ST8SIA6: variants seen among roughly 807,000 people sequenced by gnomAD.
ST8SIA6 encodes ST8 alpha-N-acetyl-neuraminide alpha-2,8-sialyltransferase 6, also known as alpha-2,8-sialyltransferase 8F.
A neutral mutation model predicts 33.6 loss-of-function variants in ST8SIA6; 39 were observed. The ratio of observed to expected loss-of-function variants is 1.16; its 90% confidence interval spans 0.90 to 1.52. The LOEUF is 1.52. Ranked by LOEUF, ST8SIA6 falls within the 40% of genes most tolerant of loss-of-function variation. The pLI, the probability that ST8SIA6 is intolerant of heterozygous loss-of-function variation, is 0.00. For synonymous variants in ST8SIA6, 172 were observed against 167.2 expected (o/e 1.03, Z -0.22); for missense variants, 441 against 443.8 (o/e 0.99, Z 0.06).
chr10:17,410,630 T>G (rs2131694091), intron 2 of ST8SIA6: 1 of 152,190 alleles, frequency 6.6e-6, no homozygotes, highest in South Asian at 2.1e-4. Context: ...AATGAATGAA[T>G]GAATAAGAGA....
chr10:17,454,072 G>A lies in ST8SIA6; in HGVS notation c.101+83C>T, dbSNP rs1853025843. 1.6e-5 allele frequency: 4 copies of A among 243,456 alleles called. No homozygotes were observed. The highest frequency in any genetic ancestry group is 8.8e-5 in the East Asian group (1 of 11,408). 15.1% of individuals were successfully genotyped at this position (243,456 alleles called of 1,614,324 possible). ...GCGGCCAAAAGTCTCCGCGCCCGAG[G>A]GGAAGCGATGGGCGGCTTGGGGGTC... is the stretch of plus-strand genomic sequence containing the variant. On this transcript the variant is annotated intron_variant, in intron 1 of 7. Coordinates refer to ENST00000377602, the MANE Select transcript of ST8SIA6 (RefSeq NM_001004470.3). This position sits in a 1 kb window ranked among gnomAD's most constrained non-coding sequence, Gnocchi z 4.1.
intron 2 of ST8SIA6, among the ~76,000 whole-genome samples, chr10:17,421,039 C>T (rs1851766416): frequency 6.6e-6 from 1 of 152,158 alleles, no homozygotes. Context: ...AATCCAGCCC[C>T]ATGATCCAAT....
intron 3 of ST8SIA6, among the ~76,000 whole-genome samples, chr10:17,366,180 A>G (rs1412260427): frequency 6.6e-6 from 1 of 152,198 alleles, no homozygotes; most frequent in Non-Finnish European, 1.5e-5. Context: ...CTAAAGGTAG[A>G]AGAGTTCAAT....
At chr10:17,333,713 ATATATTTTTTTT>A (rs1848403677) in intron 4 of ST8SIA6, among the ~76,000 whole-genome samples, 1 of 25,690 alleles carries the variant, frequency 3.9e-5, no homozygotes, top group Non-Finnish European at 6.1e-5. Flanking sequence ...ATATATATAT[ATATATTTTTTTT>A]TTTTTTTTTT....
intron 4 of ST8SIA6, among the ~76,000 whole-genome samples, chr10:17,353,265 C>A (rs534883552): frequency 1.3e-5 from 2 of 152,128 alleles, no homozygotes; most frequent in Non-Finnish European, 2.9e-5. Context: ...AAAGTGAAAA[C>A]TTTGTGGTAA....
At chr10:17,387,167 G>A (rs1489638913) in intron 3 of ST8SIA6, 2 of 152,216 alleles carry the variant, frequency 1.3e-5, no homozygotes, top group Admixed American at 6.6e-5. Flanking sequence ...TGGATTGAGT[G>A]GGCCCAGTGG....
At chr10:17,447,175 G>A (rs1852744022) in intron 2 of ST8SIA6, among the ~76,000 whole-genome samples, 1 of 152,150 alleles carries the variant, frequency 6.6e-6, no homozygotes, top group Non-Finnish European at 1.5e-5. Context: ...TGGATCACGA[G>A]GTCAGGAGTT....
At chr10:17,451,877 C>T (rs960743573) in intron 2 of ST8SIA6, among the ~76,000 whole-genome samples, 1 of 152,012 alleles carries the variant, frequency 6.6e-6, no homozygotes, top group Non-Finnish European at 1.5e-5. Flanking sequence ...TTTTAGAAAG[C>T]TTAATAAAAT....
intron 4 of ST8SIA6, among the ~76,000 whole-genome samples, chr10:17,356,412 AGTCACTCT>A (rs1191449095): frequency 6.8e-6 from 1 of 146,648 alleles, no homozygotes; most frequent in African/African-American, 2.5e-5. Context: ...TTTGAGGTGG[AGTCACTCT>A]GTCAGCCAGC....
rs1847784662 is a variant in ST8SIA6 at position 17,316,578 on chromosome 10, G to A, written c.*4300C>T. 6.6e-6 allele frequency among the ~76,000 whole-genome samples: 1 copy of A among 152,062 alleles called. No individual in the cohort carries two copies. The highest frequency in any genetic ancestry group is 6.6e-5 in the Admixed American group (1 of 15,242). On this transcript the variant is annotated 3_prime_UTR_variant, in exon 8 of 8. Coordinates refer to ENST00000377602, the MANE Select transcript of ST8SIA6 (RefSeq NM_001004470.3). ...ACATATGATGAATTTTACTAACTCAGTACTCCTAGGTTGCTTTCCAAAATG... is the reference window on the plus strand; with the variant it reads ...ACATATGATGAATTTTACTAACTCAATACTCCTAGGTTGCTTTCCAAAATG...
chr10:17,388,622 A>G (rs1243579167), intron 3 of ST8SIA6, among the ~76,000 whole-genome samples: 3 of 152,234 alleles, frequency 2.0e-5, no homozygotes, highest in Non-Finnish European at 4.4e-5. Flanking sequence ...GGAAATCAGC[A>G]ATACCTCTTA....
intron 3 of ST8SIA6, among the ~76,000 whole-genome samples, chr10:17,375,281 T>C (rs551924708): frequency 7.2e-5 from 11 of 152,356 alleles, no homozygotes; most frequent in African/African-American, 2.6e-4. Context: ...AAAATCTTTC[T>C]TCCTGATGGA....
At chr10:17,321,611 T>C (rs1847951297) in intron 7 of ST8SIA6, among the ~76,000 whole-genome samples, 1 of 152,224 alleles carries the variant, frequency 6.6e-6, no homozygotes, top group Non-Finnish European at 1.5e-5. Flanking sequence ...CAGACATTTC[T>C]TGTATTATTT....
intron 2 of ST8SIA6, among the ~76,000 whole-genome samples, chr10:17,428,778 C>G (rs1852011912): frequency 6.6e-6 from 1 of 152,142 alleles, no homozygotes; most frequent in African/African-American, 2.4e-5. Context: ...GAGCTGGCAT[C>G]GTGTGATGCG....
At chr10:17,326,255 G>A (rs2131579151) in intron 6 of ST8SIA6, among the ~76,000 whole-genome samples, 1 of 152,280 alleles carries the variant, frequency 6.6e-6, no homozygotes, top group African/African-American at 2.4e-5. Context: ...CTCCTCTGAT[G>A]TATGAAATCA....
chr10:17,350,206 G>A (rs1400441504), intron 4 of ST8SIA6, among the ~76,000 whole-genome samples: 9 of 152,194 alleles, frequency 5.9e-5, no homozygotes, highest in Admixed American at 3.9e-4. Flanking sequence ...CAGTTTGAAG[G>A]TCATGGAATA....
At position 17,374,764 on chromosome 10, in the gene ST8SIA6, T is replaced by TATATATACAC. The variant is rs1441288579; in HGVS notation, c.291-15165_291-15164insGTGTATATAT. ...TAAATAAATAATAAATATATATATATATATTTAGCTCAACTGCCCTCCCAA... is the reference window on the plus strand; with the variant it reads ...TAAATAAATAATAAATATATATATATATATATACACATATTTAGCTCAACTGCCCTCCCAA... On this transcript the variant is annotated intron_variant, in intron 3 of 7. Transcript: ENST00000377602. 9.2e-4 allele frequency among the ~76,000 whole-genome samples: 117 copies of TATATATACAC among 126,850 alleles called. 4 individuals carry two copies. Among genetic ancestry groups the TATATATACAC allele is most frequent in the Middle Eastern group, 3.9e-3 (1 of 254 alleles). 83.2% of individuals were successfully genotyped at this position (126,850 alleles called of 152,430 possible).
At chr10:17,424,155 G>A (rs888488909) in intron 2 of ST8SIA6, among the ~76,000 whole-genome samples, 4 of 149,996 alleles carry the variant, frequency 2.7e-5, no homozygotes, top group African/African-American at 9.9e-5. Context: ...CCAGGCTGGA[G>A]TGCAGTGGTG....
At chr10:17,421,318 C>T (rs933557831) in intron 2 of ST8SIA6, among the ~76,000 whole-genome samples, 2 of 152,184 alleles carry the variant, frequency 1.3e-5, no homozygotes, top group Non-Finnish European at 2.9e-5. Context: ...CCCTCATGGG[C>T]ATTGTTCCTG....
Sources: gnomAD v4.1 joint callset for allele counts (sites outside exome capture counted in the v4.1 genomes callset) on GRCh38, gnomAD v4.1.1 for gene constraint, Gnocchi (gnomAD v3.1) non-coding constraint, MANE v1.5 for transcripts, NCBI Gene and HGNC (gene_info 2026-07-23, HGNC 2026-07-21) for gene names.